The following LGR6 variants were observed in gnomAD, a reference collection of about 807,000 sequenced individuals.
The protein encoded by LGR6 is leucine rich repeat containing G protein-coupled receptor 6, also known as leucine-rich repeat-containing G protein-coupled receptor 6.
Under a neutral mutation model 69.4 loss-of-function variants are expected in LGR6, and 45 were observed. The observed-to-expected ratio is 0.65, with a 90% CI of 0.51 to 0.83. The LOEUF (loss-of-function observed/expected upper bound fraction) is 0.83, where lower values mean the gene tolerates loss of function less well. LGR6 is among the 40% of genes least tolerant of loss of function. The pLI is 0.00. For synonymous variants in LGR6, 538 were observed against 555.0 expected (o/e 0.97, Z 0.43); for missense variants, 1,108 against 1,246.7 (o/e 0.89, Z 1.68).
At chr1:202,279,302 A>G (rs1665827432) in intron 5 of LGR6, among the ~76,000 whole-genome samples, 2 of 152,208 alleles carry the variant, frequency 1.3e-5, no homozygotes. Context: ...ACGGAACTTC[A>G]TGGAGCAGGT....
At chr1:202,214,990 G>GGT (rs3221675) in intron 1 of LGR6, among the ~76,000 whole-genome samples, 17,732 of 145,386 alleles carry the variant, frequency 0.12, 1,169 homozygotes, top group African/African-American at 0.18. Context: ...GGTGCACCTG[G>GGT]GTGTGTGTGT....
At chr1:202,306,691 A>C in intron 12 of LGR6, 177 bp from the exon 13 acceptor site, 1 of 672,580 alleles carries the variant, frequency 1.5e-6, no homozygotes, top group Non-Finnish European at 2.6e-6. Flanking sequence ...CACTTACCCA[A>C]GGCAACCGGA....
chr1:202,242,909 G>C (rs913084171), intron 4 of LGR6, among the ~76,000 whole-genome samples: 1 of 152,242 alleles, frequency 6.6e-6, no homozygotes, highest in African/African-American at 2.4e-5. Flanking sequence ...CACTTTCCAT[G>C]TGCAAGTCAT....
intron 5 of LGR6, among the ~76,000 whole-genome samples, chr1:202,280,241 T>C (rs1189227117): frequency 1.3e-5 from 2 of 152,166 alleles, no homozygotes; most frequent in Non-Finnish European, 2.9e-5. Context: ...AAGGCCCTGC[T>C]CTGGATCACC....
chr1:202,241,378 G>A (rs1662188130), intron 4 of LGR6, among the ~76,000 whole-genome samples: 1 of 152,226 alleles, frequency 6.6e-6, no homozygotes. Flanking sequence ...GTAAGAGGTA[G>A]GTTTGTGTGA....
chr1:202,203,818 G>A (rs138365182), intron 1 of LGR6: 147 of 1,613,734 alleles, frequency 9.1e-5, no homozygotes, highest in Non-Finnish European at 1.2e-4. Context: ...ACAGGCCAAG[G>A]AATGGGAAGA....
At chr1:202,216,787 G>A (rs1020755105) in intron 1 of LGR6, among the ~76,000 whole-genome samples, 1 of 152,210 alleles carries the variant, frequency 6.6e-6, no homozygotes, top group Non-Finnish European at 1.5e-5. Flanking sequence ...CCTGTGGGTG[G>A]CATGGCTTGG....
chr1:202,220,780 C>G (rs2147939416), intron 1 of LGR6, among the ~76,000 whole-genome samples: 1 of 152,228 alleles, frequency 6.6e-6, no homozygotes, highest in South Asian at 2.1e-4. Context: ...ATAGCCAACC[C>G]CAGGGGCTCG....
At chr1:202,283,188 CCT>C (rs1666143161) in intron 6 of LGR6, among the ~76,000 whole-genome samples, 2 of 152,196 alleles carry the variant, frequency 1.3e-5, no homozygotes, top group Non-Finnish European at 2.9e-5. Flanking sequence ...CCCATCTCCT[CCT>C]CTGAGGGCCT....
At chr1:202,279,818 T>G (rs530025423) in intron 5 of LGR6, among the ~76,000 whole-genome samples, 1 of 152,376 alleles carries the variant, frequency 6.6e-6, no homozygotes, top group African/African-American at 2.4e-5. Flanking sequence ...TAGCAGTGTC[T>G]GCACTGTCCC....
Position 202,211,580 on chromosome 1 carries a change from C to T in LGR6, c.213-13843C>T, listed in dbSNP as rs1257043000. 2.6e-5 allele frequency among the ~76,000 whole-genome samples: 4 copies of T among 152,336 alleles called. No individual in the cohort carries two copies. In the East Asian group the frequency reaches 7.7e-4, roughly 29 times the overall value. ...TTCACCATGTTGGCCAGGCTGGTCTCAAACTCCTGGCCTCCAGTGATCCGC... is the reference window on the plus strand; with the variant it reads ...TTCACCATGTTGGCCAGGCTGGTCTTAAACTCCTGGCCTCCAGTGATCCGC... On this transcript the variant is annotated intron_variant, in intron 1 of 17. Coordinates refer to ENST00000367278, the MANE Select transcript of LGR6 (RefSeq NM_001017403.2).
chr1:202,224,252 AC>A (rs1397573002), intron 1 of LGR6, among the ~76,000 whole-genome samples: 4 of 152,198 alleles, frequency 2.6e-5, no homozygotes, highest in Non-Finnish European at 5.9e-5. Context: ...GGTGTCTGAC[AC>A]AGAGTGGACC....
At chr1:202,246,382 ATCCC>A (rs1260565077) in intron 4 of LGR6, among the ~76,000 whole-genome samples, 2 of 28,904 alleles carry the variant, frequency 6.9e-5, no homozygotes, top group East Asian at 9.1e-4. Flanking sequence ...CCCTCCATCC[ATCCC>A]TCCCTCCCTC....
intron 16 of LGR6, among the ~76,000 whole-genome samples, chr1:202,312,765 C>T (rs1653841957): frequency 1.3e-5 from 2 of 152,166 alleles, no homozygotes; most frequent in Non-Finnish European, 2.9e-5. Context: ...TTTAAAAAGC[C>T]TTTCAGTGAT....
chr1:202,254,985 C>A (rs1663645951), intron 4 of LGR6, among the ~76,000 whole-genome samples: 1 of 151,754 alleles, frequency 6.6e-6, no homozygotes, highest in Admixed American at 6.6e-5. Context: ...GTGAAGGCAG[C>A]GAATTGGGGG....
intron 4 of LGR6, among the ~76,000 whole-genome samples, chr1:202,262,471 A>G (rs1664312998): frequency 6.6e-6 from 1 of 152,054 alleles, no homozygotes; most frequent in Admixed American, 6.5e-5. Flanking sequence ...TACCAGTACC[A>G]TGCTGTTTTG....
chr1:202,259,312 C>G (rs1664036568), intron 4 of LGR6, among the ~76,000 whole-genome samples: 1 of 152,058 alleles, frequency 6.6e-6, no homozygotes, highest in Non-Finnish European at 1.5e-5. Flanking sequence ...TTTTCTATCC[C>G]TGGAACAATT....
intron 17 of LGR6, 144 bp from the exon 18 acceptor site, chr1:202,317,808 C>A (rs1654261552): frequency 1.2e-6 from 1 of 819,646 alleles, no homozygotes; most frequent in Non-Finnish European, 1.9e-6. Flanking sequence ...GTCAGCCTCC[C>A]TTAGACTGGG....
intron 3 of LGR6, among the ~76,000 whole-genome samples, chr1:202,233,676 C>T (rs1197499801): frequency 6.6e-6 from 1 of 152,130 alleles, no homozygotes; most frequent in Non-Finnish European, 1.5e-5. Flanking sequence ...GAGGAAGTGA[C>T]TTACTCAAGT....
Sources: allele counts gnomAD v4.1 joint callset (sites outside exome capture counted in the v4.1 genomes callset), GRCh38; gene constraint gnomAD v4.1.1; transcripts MANE v1.5; gene names NCBI Gene and HGNC (gene_info 2026-07-23, HGNC 2026-07-21).